SH3RF2: variants seen among roughly 807,000 people sequenced by gnomAD.
SH3RF2 encodes the protein E3 ubiquitin-protein ligase SH3RF2.
In SH3RF2, 43 loss-of-function variants were observed where a neutral mutation model predicts 59.0. The ratio of observed to expected loss-of-function variants is 0.73; its 90% CI spans 0.57 to 0.94. SH3RF2 has a LOEUF of 0.94. SH3RF2 is among the 40% of genes least tolerant of loss of function. The pLI is 0.00. For missense variants in SH3RF2, 930 were observed against 940.1 expected, an observed-to-expected ratio of 0.99 and a Z score of 0.14; for synonymous variants, 391 against 391.5, an observed-to-expected ratio of 1.00 and a Z score of 0.01.
At chr5:145,976,640 G>T (rs73312160) in intron 2 of SH3RF2, among the ~76,000 whole-genome samples, 12,759 of 152,210 alleles carry the variant, frequency 0.084, 1,825 homozygotes, top group African/African-American at 0.29. Context: ...ATTAGTCATT[G>T]ACTGATAGAA....
chr5:146,002,524 GGAAGGAA>G (rs1561734961), intron 3 of SH3RF2, among the ~76,000 whole-genome samples: 22 of 146,456 alleles, frequency 1.5e-4, no homozygotes, highest in Non-Finnish European at 2.8e-4. Flanking sequence ...AAGGAAGGAA[GGAAGGAA>G]GGAAGGATAA....
At chr5:146,064,774 G>GGAAGGAAGGAAA (rs1561773656), downstream of SH3RF2, among the ~76,000 whole-genome samples, 1 of 34,480 alleles carries the variant, frequency 2.9e-5, no homozygotes, top group African/African-American at 1.2e-4. Context: ...AAGGAAGGAA[G>GGAAGGAAGGAAA]GAAAGGAAGG....
At chr5:145,998,735 AC>A (rs1309773924) in intron 2 of SH3RF2, among the ~76,000 whole-genome samples, 1 of 152,020 alleles carries the variant, frequency 6.6e-6, no homozygotes, top group Non-Finnish European at 1.5e-5. Context: ...ACATAGTGAA[AC>A]CCCGTCTCCA....
intron 5 of SH3RF2, among the ~76,000 whole-genome samples, chr5:146,033,178 T>C (rs1389422332): frequency 1.3e-5 from 2 of 152,232 alleles, no homozygotes; most frequent in African/African-American, 2.4e-5. Context: ...TATGAGATAA[T>C]AGAGTGTTTA....
intron 9 of SH3RF2, among the ~76,000 whole-genome samples, chr5:146,075,418 G>T (rs190083733): frequency 6.6e-6 from 1 of 152,110 alleles, no homozygotes; most frequent in Non-Finnish European, 1.5e-5. Flanking sequence ...ATTAAAAAAC[G>T]TCCATGGGGT....
downstream of SH3RF2, among the ~76,000 whole-genome samples, chr5:146,064,862 AAG>A (rs113346910): frequency 0.25 from 7,174 of 28,982 alleles, 1,426 homozygotes; most frequent in East Asian, 0.39. Context: ...GAAAGAAAGA[AAG>A]AGAAAGAAAA....
At chr5:146,053,789 G>A (rs1762579003) in intron 7 of SH3RF2, among the ~76,000 whole-genome samples, 2 of 152,110 alleles carry the variant, frequency 1.3e-5, no homozygotes, top group Non-Finnish European at 1.5e-5. Context: ...CTTATGGGTG[G>A]AGAAAAGTGA....
intron 5 of SH3RF2, among the ~76,000 whole-genome samples, chr5:146,033,594 C>T (rs1464982790): frequency 6.6e-6 from 1 of 151,226 alleles, no homozygotes; most frequent in East Asian, 2.0e-4. Context: ...CCTCAGCCTC[C>T]CAAGAAGCTG....
intron 2 of SH3RF2, among the ~76,000 whole-genome samples, chr5:145,947,473 G>T (rs1458364371): frequency 6.6e-6 from 1 of 152,206 alleles, no homozygotes; most frequent in Non-Finnish European, 1.5e-5. Flanking sequence ...CCTATAAAGT[G>T]CTTAGCACAG....
chr5:145,958,887 C>T (rs1758517807), intron 2 of SH3RF2, among the ~76,000 whole-genome samples: 1 of 152,200 alleles, frequency 6.6e-6, no homozygotes, highest in East Asian at 1.9e-4. Flanking sequence ...TGGTGTTTTA[C>T]AGCGTGGCCT....
chr5:145,972,089 T>A (rs1759105788), intron 2 of SH3RF2, among the ~76,000 whole-genome samples: 1 of 152,134 alleles, frequency 6.6e-6, no homozygotes, highest in African/African-American at 2.4e-5. Flanking sequence ...CTTTTTCTCT[T>A]CAAAAAATAT....
At chr5:146,013,047 A>G (rs1313246515) in intron 4 of SH3RF2, among the ~76,000 whole-genome samples, 1 of 152,180 alleles carries the variant, frequency 6.6e-6, no homozygotes, top group Non-Finnish European at 1.5e-5. Context: ...AATGGTGATT[A>G]CATGAACATA....
intron 4 of SH3RF2, among the ~76,000 whole-genome samples, chr5:146,008,020 G>C (rs1368862394): frequency 6.6e-6 from 1 of 152,202 alleles, no homozygotes; most frequent in Admixed American, 6.5e-5. Context: ...ATGTGTGCAT[G>C]TTTGTGTGTG....
chr5:146,011,455 A>T (rs1330448960), intron 4 of SH3RF2, among the ~76,000 whole-genome samples: 1 of 152,296 alleles, frequency 6.6e-6, no homozygotes, highest in Non-Finnish European at 1.5e-5. Context: ...CAATGAATCT[A>T]TAAATTACCT....
rs757775737 is a variant in SH3RF2, at chr5:146,062,588, A to T, written c.2077A>T (p.Ser693Cys). The T allele has an allele frequency of 3.1e-6, 5 of 1,614,166 alleles. No individual in the cohort carries two copies. Among genetic ancestry groups the T allele is most frequent in the Non-Finnish European group, 4.2e-6 (5 of 1,180,006 alleles). ...PEMTVLFAHR[S>C]GCHSGQQTDL... ...GATGACCGTCCTATTTGCCCACCGA[A>T]GTGGCTGCCACTCCGGACAGCAGAC... is the stretch of plus-strand genomic sequence containing the variant. Residue 693 changes from serine (S) to cysteine (C), a missense_variant, in exon 10 of 10, where the codon AGT becomes TGT. Transcript: ENST00000359120.
At chr5:145,948,936 G>C (rs1758092330) in intron 2 of SH3RF2, among the ~76,000 whole-genome samples, 1 of 152,222 alleles carries the variant, frequency 6.6e-6, no homozygotes, top group South Asian at 2.1e-4. Flanking sequence ...GGCCTGAAAT[G>C]CAATCAGCAT....
intron 5 of SH3RF2, among the ~76,000 whole-genome samples, chr5:146,027,462 C>T (rs1276170971): frequency 6.6e-6 from 1 of 152,182 alleles, no homozygotes; most frequent in Admixed American, 6.5e-5. Flanking sequence ...CGAATGCCCA[C>T]CAGGCACTGA....
intron 2 of SH3RF2, among the ~76,000 whole-genome samples, chr5:145,948,359 A>C (rs185251506): frequency 1.3e-5 from 2 of 152,382 alleles, no homozygotes; most frequent in East Asian, 3.8e-4. Context: ...TGCAAACCTC[A>C]GAATGCATTG....
intron 2 of SH3RF2, among the ~76,000 whole-genome samples, chr5:145,974,593 T>C (rs1018626541): frequency 6.6e-6 from 1 of 152,220 alleles, no homozygotes. Context: ...TATTATGTAA[T>C]CTTTCTCCAA....
Sources: gnomAD v4.1 joint callset for allele counts (sites outside exome capture counted in the v4.1 genomes callset) on GRCh38, gnomAD v4.1.1 for gene constraint, MANE v1.5 for transcripts, NCBI Gene and HGNC (gene_info 2026-07-23, HGNC 2026-07-21) for gene names.